The following CLCN3 variants were observed in gnomAD, a reference collection of about 807,000 sequenced individuals.
CLCN3 encodes Cl-/H+ antiporter 3.
A neutral mutation model predicts 83.4 loss-of-function variants in CLCN3; 16 were observed. The observed-to-expected ratio is 0.19, with a 90% CI of 0.13 to 0.29. CLCN3 has a LOEUF of 0.29. Among genes scored for constraint, CLCN3 ranks in the 10% least tolerant of loss-of-function variants. The pLI, the probability that CLCN3 is intolerant of heterozygous loss-of-function variation, is 1.00. For synonymous variants in CLCN3, 322 were observed against 346.2 expected (o/e 0.93, Z 0.78); for missense variants, 544 against 1,006.0 (o/e 0.54, Z 6.21).
intron 11 of CLCN3, among the ~76,000 whole-genome samples, chr4:169,712,520 TACTTTCATCTCA>T (rs1438503739): frequency 6.6e-6 from 1 of 152,244 alleles, no homozygotes; most frequent in Non-Finnish European, 1.5e-5. Context: ...AGCATAATTG[TACTTTCATCTCA>T]TCTGTAATGT....
chr4:169,653,862 C>T (rs977270137), intron 2 of CLCN3, among the ~76,000 whole-genome samples: 1 of 152,052 alleles, frequency 6.6e-6, no homozygotes, highest in African/African-American at 2.4e-5. Flanking sequence ...AGAGCAAGAA[C>T]TCACTCATTA....
At chr4:169,715,586 T>C (rs1353174757) in intron 12 of CLCN3, among the ~76,000 whole-genome samples, 2 of 152,112 alleles carry the variant, frequency 1.3e-5, no homozygotes, top group South Asian at 2.1e-4. Context: ...ATAGCTATCA[T>C]TGATGTGTAG....
At chr4:169,631,443 C>G (rs542160156) in intron 1 of CLCN3, among the ~76,000 whole-genome samples, 5 of 152,142 alleles carry the variant, frequency 3.3e-5, no homozygotes, top group Admixed American at 6.5e-5. Context: ...CCCACCACCA[C>G]GCCCGGCTAA....
chr4:169,687,788 T>C (rs1326629100), intron 4 of CLCN3, 31 bp downstream of exon 4: 1 of 1,275,746 alleles, frequency 7.8e-7, no homozygotes, highest in Non-Finnish European at 1.1e-6. Flanking sequence ...AATCCTTTTT[T>C]AGTTAACAGA....
At chr4:169,703,676 T>C (rs1413901061) in intron 9 of CLCN3, among the ~76,000 whole-genome samples, 16 of 145,192 alleles carry the variant, frequency 1.1e-4, no homozygotes, top group African/African-American at 2.0e-4. Flanking sequence ...TTTTTTTTTC[T>C]TTTTTTTTTT....
chr4:169,707,446 T>C (rs897458872), intron 11 of CLCN3, among the ~76,000 whole-genome samples, 180 bp downstream of exon 11: 2 of 152,106 alleles, frequency 1.3e-5, no homozygotes, highest in Non-Finnish European at 2.9e-5. Flanking sequence ...TTTTCTGCTA[T>C]TTAGCAGAAA....
intron 6 of CLCN3, among the ~76,000 whole-genome samples, chr4:169,690,880 T>C (rs1375350274): frequency 2.0e-5 from 3 of 152,192 alleles, no homozygotes; most frequent in African/African-American, 7.2e-5. Context: ...CTCTCACCAC[T>C]AATTTAACAC....
At chr4:169,688,935 A>C in intron 4 of CLCN3, 108 bp from the exon 5 acceptor site, 1 of 793,596 alleles carries the variant, frequency 1.3e-6, no homozygotes, top group South Asian at 1.8e-5. Flanking sequence ...TTCATAAATG[A>C]CCCTTTATTT....
intron 8 of CLCN3, 96 bp from the exon 9 acceptor site, chr4:169,697,093 T>C (rs1160442678): frequency 1.1e-6 from 1 of 883,200 alleles, no homozygotes; most frequent in Non-Finnish European, 1.7e-6. Context: ...TACAGCAAAA[T>C]TTAGAGCTAG....
At chr4:169,676,778 G>A (rs143604629) in intron 2 of CLCN3, among the ~76,000 whole-genome samples, 1 of 151,422 alleles carries the variant, frequency 6.6e-6, no homozygotes, top group African/African-American at 2.4e-5. Context: ...GATTACAAGC[G>A]TGAGCCACTG....
chr4:169,629,886 A>G (rs903154578), intron 1 of CLCN3, among the ~76,000 whole-genome samples: 1 of 152,240 alleles, frequency 6.6e-6, no homozygotes, highest in Non-Finnish European at 1.5e-5. Context: ...AGCTTTGCTT[A>G]CTAACTGCAT....
chr4:169,690,142 T>TTC, intron 5 of CLCN3, among the ~76,000 whole-genome samples: 1 of 144,154 alleles, frequency 6.9e-6, no homozygotes, highest in South Asian at 2.3e-4. Context: ...TCTTTCTTTT[T>TTC]TTTTTTTTTT....
intron 6 of CLCN3, 97 bp downstream of exon 6, chr4:169,690,749 A>G: frequency 8.3e-7 from 1 of 1,205,136 alleles, no homozygotes; most frequent in Non-Finnish European, 1.2e-6. Context: ...GAGGGAGGGG[A>G]TAGTTTGTTC....
At chr4:169,711,542 G>T (rs1250608671) in intron 11 of CLCN3, among the ~76,000 whole-genome samples, 2 of 152,130 alleles carry the variant, frequency 1.3e-5, no homozygotes, top group African/African-American at 4.8e-5. Flanking sequence ...TAGAGACAGG[G>T]TTTCACCATG....
chr4:169,668,474 A>G (rs182344033), intron 2 of CLCN3, among the ~76,000 whole-genome samples: 17 of 152,358 alleles, frequency 1.1e-4, no homozygotes, highest in African/African-American at 3.6e-4. Flanking sequence ...AACAAAACCA[A>G]GGTACTCAAA....
At chr4:169,682,379 C>T (rs1307388411) in intron 3 of CLCN3, among the ~76,000 whole-genome samples, 2 of 152,086 alleles carry the variant, frequency 1.3e-5, no homozygotes, top group Non-Finnish European at 2.9e-5. Flanking sequence ...TCATTGGAAA[C>T]AAATACACAT....
intron 11 of CLCN3, 115 bp downstream of exon 11, chr4:169,707,381 A>C: frequency 1.5e-6 from 1 of 675,476 alleles, no homozygotes; most frequent in Non-Finnish European, 2.4e-6. Flanking sequence ...ACATTATTTT[A>C]TGTCCCTTAA....
At chr4:169,647,630 A>G (rs1730612493) in intron 2 of CLCN3, among the ~76,000 whole-genome samples, 1 of 151,998 alleles carries the variant, frequency 6.6e-6, no homozygotes, top group Admixed American at 6.5e-5. Context: ...CAACAAAAAT[A>G]ATGTAGCATG....
chr4:169,671,850 C>T (rs1731469736), intron 2 of CLCN3, among the ~76,000 whole-genome samples: 1 of 152,144 alleles, frequency 6.6e-6, no homozygotes. Flanking sequence ...ACTGTCTTCA[C>T]AGGTAAGTGA....
Sources: allele counts gnomAD v4.1 joint callset (sites outside exome capture counted in the v4.1 genomes callset), GRCh38; gene constraint gnomAD v4.1.1; transcripts MANE v1.5; gene names NCBI Gene and HGNC (gene_info 2026-07-23, HGNC 2026-07-21).